Variants in ACSF2 observed in about 807,000 individuals in gnomAD.
ACSF2 encodes the protein medium-chain acyl-CoA ligase ACSF2, mitochondrial.
ACSF2 carries 52 observed loss-of-function variants against 79.3 expected under a neutral mutation model. The observed-to-expected ratio is 0.66, with a 90% CI of 0.53 to 0.83. The LOEUF (loss-of-function observed/expected upper bound fraction) is 0.83. Ranked by LOEUF, ACSF2 falls within the 40% of genes least tolerant of loss-of-function variation. The probability of loss-of-function intolerance (pLI) is 0.00; values close to 1 mark genes in which losing one functional copy is unlikely to be tolerated. For synonymous variants in ACSF2, 283 were observed against 312.6 expected (o/e 0.91, Z 1.00); for missense variants, 661 against 803.3 (o/e 0.82, Z 2.14).
At chr17:50,455,362 C>T (rs1266078539) in intron 1 of ACSF2, among the ~76,000 whole-genome samples, 2 of 152,242 alleles carry the variant, frequency 1.3e-5, no homozygotes, top group Middle Eastern at 3.4e-3. Context: ...CTCCTGAGAA[C>T]AAGGACTTGG....
chr17:50,462,425 C>G lies in ACSF2; in HGVS notation c.632C>G (p.Pro211Arg), dbSNP rs2032402325. Reference sequence around the variant, plus strand: ...ACCATCGTCCCCAACCCCAGGCTCCCAGATCTGACCACAGTCATCTCGGTG... The same window carrying G: ...ACCATCGTCCCCAACCCCAGGCTCCGAGATCTGACCACAGTCATCTCGGTG... ...QPGALKSQRL[P>R]DLTTVISVDA... Residue 211 changes from proline to arginine, a missense_variant, in exon 6 of 16, where the codon CCA (proline) becomes CGA (arginine). Transcript: ENST00000300441. 1 of 1,613,564 alleles carries G rather than the reference C, an allele frequency of 6.2e-7. No individual in the cohort carries two copies. The highest frequency in any genetic ancestry group is 8.5e-7 in the Non-Finnish European group (1 of 1,179,908).
intron 1 of ACSF2, among the ~76,000 whole-genome samples, chr17:50,458,966 TAGA>T (rs1389404059): frequency 3.9e-5 from 6 of 152,218 alleles, no homozygotes; most frequent in Admixed American, 6.5e-5. Flanking sequence ...GGGAGCTTCT[TAGA>T]AGAAGGACTG....
At position 50,463,954 on chromosome 17, in the gene ACSF2, T is replaced by A. The variant is rs752793765; in HGVS notation, c.1138+45T>A. ...AGCCAGGCTTGGGGAGGGGGCTGCT[T>A]CCCCCACAGGAATGGCCCGGGTGAG... is the stretch of plus-strand genomic sequence containing the variant. On this transcript the variant is annotated intron_variant, in intron 9 of 15. Transcript: ENST00000300441. This position sits in a 1 kb window ranked among gnomAD's most constrained non-coding sequence, Gnocchi z 4.6. 2.2e-6 allele frequency: 3 copies of A among 1,385,826 alleles called. No individual in the cohort carries two copies. In the Admixed American group the frequency reaches 5.8e-5, roughly 27 times the overall value. 85.8% of individuals were successfully genotyped at this position (1,385,826 alleles called of 1,614,324 possible).
chr17:50,457,721 A>G (rs1290446514), intron 1 of ACSF2, among the ~76,000 whole-genome samples: 1 of 152,156 alleles, frequency 6.6e-6, no homozygotes, highest in Admixed American at 6.5e-5. Flanking sequence ...CTACCACACT[A>G]TGGCTACTTA....
chr17:50,457,828 T>C (rs2032102260), intron 1 of ACSF2, among the ~76,000 whole-genome samples: 1 of 152,136 alleles, frequency 6.6e-6, no homozygotes, highest in East Asian at 1.9e-4. Flanking sequence ...CTTGAATAGA[T>C]GAGTCAAAGG....
intron 10 of ACSF2, chr17:50,465,625 T>A: frequency 6.5e-7 from 1 of 1,544,878 alleles, no homozygotes. Flanking sequence ...CTAGGATGCA[T>A]GTCCAACATG....
In ACSF2 at chr17:50,471,075, C is replaced by G. The variant is rs770665600; in HGVS notation, c.1263C>G (p.Phe421Leu). 1.2e-5 allele frequency: 19 copies of G among 1,614,080 alleles called. No individual in the cohort carries two copies. Among genetic ancestry groups the G allele is most frequent in the Non-Finnish European group, 5.1e-6 (6 of 1,180,010 alleles). The change falls in exon 11 of 16, where the codon TTC becomes TTG. Residue 421 changes from phenylalanine (F) to leucine (L), a missense_variant. Transcript: ENST00000300441. The surrounding 1 kb of genome is among the most constrained non-coding windows in gnomAD (Gnocchi z 4.1). ...TENSPVTFAHFPEDTVEQKAE... is the reference protein window; with the variant it reads ...TENSPVTFAHLPEDTVEQKAE... ...ACAGTCCCGTGACATTCGCGCACTT[C>G]CCTGAGGACACTGTGGAGCAGAAGG...
At chr17:50,465,035 T>A (rs1200248999) in intron 10 of ACSF2, 18 of 497,146 alleles carry the variant, frequency 3.6e-5, no homozygotes, top group Non-Finnish European at 1.1e-5. Flanking sequence ...TCACCAGGAC[T>A]GGCTGGGTCA....
At chr17:50,454,471 C>T (rs1364966756) in intron 1 of ACSF2, among the ~76,000 whole-genome samples, 2 of 152,132 alleles carry the variant, frequency 1.3e-5, no homozygotes, top group Non-Finnish European at 2.9e-5. Context: ...GCTGTCCAGG[C>T]GTCAGGCTCC....
Position 50,471,037 on chromosome 17 carries a change from G to A in ACSF2, c.1225G>A (p.Gly409Arg). Reference sequence around the variant, plus strand: ...TTTCTGGACCCTCTAGGTTGCTTATGGAACCACAGAGAACAGTCCCGTGAC... The same window carrying A: ...TTTCTGGACCCTCTAGGTTGCTTATAGAACCACAGAGAACAGTCCCGTGAC... Reference protein sequence around the residue: ...INMKDLVVAYGTTENSPVTFA... With the variant: ...INMKDLVVAYRTTENSPVTFA... The change falls in exon 11 of 16, where the codon GGA becomes AGA. Residue 409 changes from glycine to arginine, a missense_variant. Coordinates refer to ENST00000300441, the MANE Select transcript of ACSF2 (RefSeq NM_025149.6). The surrounding 1 kb of genome is among the most constrained non-coding windows in gnomAD (Gnocchi z 4.1). 1 of 1,614,026 alleles carries A rather than the reference G, an allele frequency of 6.2e-7. No individual in the cohort carries two copies. The highest frequency in any genetic ancestry group is 8.5e-7 in the Non-Finnish European group (1 of 1,179,916).
chr17:50,435,563 A>G (rs928215790), intron 1 of ACSF2, among the ~76,000 whole-genome samples: 6 of 149,956 alleles, frequency 4.0e-5, no homozygotes, highest in Non-Finnish European at 3.0e-5. Context: ...GGTACACGCC[A>G]CAAAGCCCAG....
rs537783839 is a variant in ACSF2 at position 50,438,985 on chromosome 17, G to A, written c.128+12596G>A. Reference sequence around the variant, plus strand: ...TTAAAGTTTATATTTGTTTAAACATGGAAAGTACTTAGAATCATGTTATGT... The same window carrying A: ...TTAAAGTTTATATTTGTTTAAACATAGAAAGTACTTAGAATCATGTTATGT... On this transcript the variant is annotated intron_variant, in intron 1 of 15. Coordinates refer to ENST00000300441, the MANE Select transcript of ACSF2 (RefSeq NM_025149.6). Among the ~76,000 whole-genome samples, 5 of 152,188 alleles carry A rather than the reference G, an allele frequency of 3.3e-5. No individual in the cohort carries two copies. In the East Asian group the frequency reaches 5.8e-4, roughly 18 times the overall value.
intron 10 of ACSF2, chr17:50,468,033 A>G: frequency 3.2e-6 from 5 of 1,574,200 alleles, no homozygotes; most frequent in Non-Finnish European, 4.3e-6. Flanking sequence ...CACAGCCAGG[A>G]GCTCACCTTC....
In ACSF2 at chr17:50,474,026, A is replaced by C. The variant is rs567474032; in HGVS notation, c.1728+22A>C. 4.6e-6 allele frequency: 7 copies of C among 1,533,382 alleles called. 1 individual carries two copies. The South Asian group carries it at 8.9e-5, about 20-fold the overall frequency. The allele number at this position is 1,533,382 out of a possible 1,614,324, so 95.0% of individuals were successfully genotyped here. ...GAAGGTGGGAGCCTCCGCTCAACCT[A>C]GCTGATGCTGCTCTGTTCTTTGCTC... On this transcript the variant is annotated intron_variant, in intron 14 of 15. Transcript: ENST00000300441. This position sits in a 1 kb window ranked among gnomAD's most constrained non-coding sequence, Gnocchi z 4.2.
chr17:50,463,921 C>G lies in ACSF2; in HGVS notation c.1138+12C>G. The stretch of plus-strand genomic sequence containing the variant: ...GACCATGTGTGGAGGTGGGGTGGGG[C>G]CAAGGGCAGCCAGGCTTGGGGAGGG... On this transcript the variant is annotated intron_variant, in intron 9 of 15. Coordinates refer to ENST00000300441, the MANE Select transcript of ACSF2 (RefSeq NM_025149.6). This position sits in a 1 kb window ranked among gnomAD's most constrained non-coding sequence, Gnocchi z 4.6. 6.2e-7 allele frequency: 1 copy of G among 1,613,164 alleles called. No homozygotes were observed.
At chr17:50,441,478 C>A (rs984745623) in intron 1 of ACSF2, among the ~76,000 whole-genome samples, 1 of 152,104 alleles carries the variant, frequency 6.6e-6, no homozygotes, top group African/African-American at 2.4e-5. Context: ...CCTGGCCTGG[C>A]GGTCCTTTTT....
intron 1 of ACSF2, among the ~76,000 whole-genome samples, chr17:50,431,274 G>A (rs2029900468): frequency 6.6e-6 from 1 of 152,198 alleles, no homozygotes; most frequent in South Asian, 2.1e-4. Flanking sequence ...AGCATGTAAA[G>A]GTAATAAAAA....
intron 1 of ACSF2, among the ~76,000 whole-genome samples, chr17:50,431,430 T>C (rs2029916036): frequency 6.6e-6 from 1 of 152,178 alleles, no homozygotes; most frequent in Admixed American, 6.5e-5. Context: ...TTTGTGGAAA[T>C]GGGAGGGGGA....
chr17:50,461,910 G>A (rs2032353036), intron 4 of ACSF2, among the ~76,000 whole-genome samples: 1 of 149,974 alleles, frequency 6.7e-6, no homozygotes, highest in African/African-American at 2.5e-5. Context: ...ACGGGGGCAT[G>A]TGTGTGTCAG....
Sources: allele counts gnomAD v4.1 joint callset (sites outside exome capture counted in the v4.1 genomes callset), GRCh38; gene constraint gnomAD v4.1.1; non-coding constraint Gnocchi (gnomAD v3.1); transcripts MANE v1.5; gene names NCBI Gene and HGNC (gene_info 2026-07-23, HGNC 2026-07-21).